Variants in TNFRSF10D observed in about 807,000 individuals in gnomAD.
TNFRSF10D encodes TNF receptor superfamily member 10d, also known as tumor necrosis factor receptor superfamily member 10D.
A neutral mutation model predicts 42.1 loss-of-function variants in TNFRSF10D; 28 were observed. The observed-to-expected ratio is 0.66, with a 90% CI of 0.49 to 0.91. The LOEUF (loss-of-function observed/expected upper bound fraction) is 0.91. Ranked by LOEUF, TNFRSF10D falls within the 40% of genes least tolerant of loss-of-function variation. The probability of loss-of-function intolerance (pLI) is 0.00; values close to 1 mark genes in which losing one functional copy is unlikely to be tolerated. For synonymous variants in TNFRSF10D, 186 were observed against 189.4 expected (o/e 0.98, Z 0.15); for missense variants, 503 against 486.1 (o/e 1.03, Z -0.33).
intron 6 of TNFRSF10D, 89 bp from the exon 7 acceptor site, chr8:23,144,724 C>G (rs1053854846): frequency 6.8e-7 from 1 of 1,478,518 alleles, no homozygotes; most frequent in African/African-American, 1.4e-5. Flanking sequence ...ATCCCCAACC[C>G]CTTCCAATGA....
At chr8:23,140,277 A>G (rs1297290488) in intron 7 of TNFRSF10D, among the ~76,000 whole-genome samples, 1 of 152,028 alleles carries the variant, frequency 6.6e-6, no homozygotes, top group African/African-American at 2.4e-5. Context: ...TGACAGAGCA[A>G]GACTCTGTCT....
intron 7 of TNFRSF10D, among the ~76,000 whole-genome samples, chr8:23,140,657 T>C (rs1282138678): frequency 6.6e-6 from 1 of 152,232 alleles, no homozygotes; most frequent in African/African-American, 2.4e-5. Flanking sequence ...TGGAAGTAAC[T>C]GAATCACGTG....
In TNFRSF10D at chr8:23,145,772, T is replaced by A. The variant is rs1800110593; in HGVS notation, c.632A>T (p.His211Leu). The A allele has an allele frequency of 1.2e-6, 2 of 1,614,146 alleles. No individual in the cohort carries two copies. Among genetic ancestry groups the A allele is most frequent in the East Asian group, 4.5e-5 (2 of 44,880 alleles). The change falls in exon 5 of 9, where the codon CAC becomes CTC. Residue 211 changes from histidine (H) to leucine (L), a missense_variant. Transcript: ENST00000312584. Reference sequence around the variant, plus strand: ...TAAAACCACTATGATGATAAGGTAGTGATAGGGAGAGGCAAGCATCCCCAG... The same window carrying A: ...TAAAACCACTATGATGATAAGGTAGAGATAGGGAGAGGCAAGCATCCCCAG... ...TILGMLASPY[H>L]YLIIIVVLVI...
chr8:23,146,948 G>A lies in TNFRSF10D; in HGVS notation c.482+13C>T. 3 of 1,609,346 alleles carry A rather than the reference G, an allele frequency of 1.9e-6. No homozygotes were observed. Among genetic ancestry groups the A allele is most frequent in the Non-Finnish European group, 2.6e-6 (3 of 1,175,748 alleles). Reference sequence around the variant, plus strand: ...TCCTGAAAGCTGTTGGGAGCCCCTGGCTGCTGTCTTACCCTGTTCTACACG... The same window carrying A: ...TCCTGAAAGCTGTTGGGAGCCCCTGACTGCTGTCTTACCCTGTTCTACACG... On this transcript the variant is annotated intron_variant, in intron 4 of 8. Transcript: ENST00000312584.
intron 4 of TNFRSF10D, among the ~76,000 whole-genome samples, chr8:23,146,573 A>AT (rs1800124482): frequency 1.3e-5 from 2 of 152,156 alleles, no homozygotes; most frequent in African/African-American, 4.8e-5. Context: ...TAAAAATTAC[A>AT]TTTTTTAAAC....
chr8:23,139,461 A>G (rs4279596), intron 7 of TNFRSF10D, among the ~76,000 whole-genome samples: 34,338 of 152,154 alleles, frequency 0.23, 4,329 homozygotes, highest in East Asian at 0.46. Context: ...ACATTTTGAA[A>G]AAGTATGGAA....
chr8:23,155,031 C>T (rs1800257230), intron 1 of TNFRSF10D, 52 bp from the exon 2 acceptor site: 1 of 1,389,190 alleles, frequency 7.2e-7, no homozygotes, highest in East Asian at 2.5e-5. Flanking sequence ...CCTTACCTCT[C>T]CCAGGCTCCG....
intron 7 of TNFRSF10D, among the ~76,000 whole-genome samples, chr8:23,143,630 T>C (rs1337020081): frequency 1.3e-5 from 2 of 152,098 alleles, no homozygotes; most frequent in African/African-American, 4.8e-5. Flanking sequence ...TAGGTAAGTA[T>C]TTGACAAGTG....
chr8:23,147,506 C>T (rs1344933057), intron 3 of TNFRSF10D, among the ~76,000 whole-genome samples: 1 of 152,206 alleles, frequency 6.6e-6, no homozygotes, highest in Non-Finnish European at 1.5e-5. Context: ...GGCCACGGAG[C>T]AGACCTGTGC....
At chr8:23,156,440 T>C (rs376740331) in intron 1 of TNFRSF10D, among the ~76,000 whole-genome samples, 19 of 152,310 alleles carry the variant, frequency 1.2e-4, no homozygotes, top group African/African-American at 4.6e-4. Context: ...CTAATGCACA[T>C]TTCCCAAATC....
At chr8:23,153,204 A>C (rs1336042838) in intron 2 of TNFRSF10D, among the ~76,000 whole-genome samples, 1 of 152,218 alleles carries the variant, frequency 6.6e-6, no homozygotes, top group East Asian at 1.9e-4. Context: ...ATCTCACATC[A>C]TATGTAAAAA....
intron 2 of TNFRSF10D, among the ~76,000 whole-genome samples, chr8:23,152,616 T>C (rs1445304023): frequency 2.6e-5 from 4 of 152,184 alleles, no homozygotes. Context: ...ACAACTTACA[T>C]TGGGCCTAAA....
chr8:23,151,159 A>G (rs1794749698), intron 2 of TNFRSF10D, among the ~76,000 whole-genome samples: 1 of 152,208 alleles, frequency 6.6e-6, no homozygotes, highest in Admixed American at 6.5e-5. Flanking sequence ...TGAAACCAGC[A>G]AGAGACAAGC....
At chr8:23,148,629 T>C (rs1340126105) in intron 2 of TNFRSF10D, 78 bp from the exon 3 acceptor site, 8 of 1,099,218 alleles carry the variant, frequency 7.3e-6, no homozygotes, top group Admixed American at 1.8e-5. Flanking sequence ...AAATTTCTCT[T>C]TTGGCCCTCA....
intron 1 of TNFRSF10D, 97 bp downstream of exon 1, chr8:23,163,689 C>T (rs1179344583): frequency 4.0e-6 from 6 of 1,514,000 alleles, no homozygotes; most frequent in Non-Finnish European, 4.4e-6. Flanking sequence ...CCGCAGGCGA[C>T]CCGGGCCAAG....
intron 2 of TNFRSF10D, among the ~76,000 whole-genome samples, chr8:23,152,958 T>C (rs750654213): frequency 1.7e-4 from 25 of 150,306 alleles, no homozygotes; most frequent in Non-Finnish European, 3.4e-4. Context: ...GGAGGCATCA[T>C]ACTACCTGAT....
intron 4 of TNFRSF10D, 123 bp from the exon 5 acceptor site, chr8:23,146,044 G>A (rs2128836914): frequency 7.5e-7 from 1 of 1,327,762 alleles, no homozygotes. Context: ...GGCTCCTCGT[G>A]TCAGCAGTGG....
At chr8:23,138,644 C>T (rs1814386310) in intron 7 of TNFRSF10D, among the ~76,000 whole-genome samples, 1 of 152,030 alleles carries the variant, frequency 6.6e-6, no homozygotes, top group Non-Finnish European at 1.5e-5. Context: ...TCTCGGCAGA[C>T]TATATATGAG....
intron 1 of TNFRSF10D, among the ~76,000 whole-genome samples, chr8:23,159,312 T>G (rs185189009): frequency 6.0e-3 from 862 of 143,714 alleles, no homozygotes; most frequent in African/African-American, 0.018. Context: ...GCAGGCGCAA[T>G]AAGATGCTTT....
Sources: allele counts gnomAD v4.1 joint callset (sites outside exome capture counted in the v4.1 genomes callset), GRCh38; gene constraint gnomAD v4.1.1; transcripts MANE v1.5; gene names NCBI Gene and HGNC (gene_info 2026-07-23, HGNC 2026-07-21).